Variants in RABGAP1L observed in about 807,000 individuals in gnomAD.
The protein encoded by RABGAP1L is RAB GTPase activating protein 1 like, also known as rab GTPase-activating protein 1-like.
A neutral mutation model predicts 137.7 loss-of-function variants in RABGAP1L; 63 were observed. That is an observed-to-expected ratio of 0.46 (90% CI 0.37 to 0.56). The LOEUF (loss-of-function observed/expected upper bound fraction) is 0.56. RABGAP1L is among the 20% of genes least tolerant of loss of function. The pLI, the probability that RABGAP1L is intolerant of heterozygous loss-of-function variation, is 0.00. For synonymous variants in RABGAP1L, 431 were observed against 433.7 expected (o/e 0.99, Z 0.08); for missense variants, 1,095 against 1,244.0 (o/e 0.88, Z 1.80).
At chr1:174,175,145 T>C (rs1411838812) in intron 1 of RABGAP1L, among the ~76,000 whole-genome samples, 1 of 100,848 alleles carries the variant, frequency 9.9e-6, no homozygotes, top group Non-Finnish European at 1.8e-5. Context: ...TTTAATTTTC[T>C]TGTATATGAC....
chr1:174,914,018 T>C (rs1339093393), intron 19 of RABGAP1L, among the ~76,000 whole-genome samples: 1 of 152,252 alleles, frequency 6.6e-6, no homozygotes, highest in Non-Finnish European at 1.5e-5. Context: ...AGTTGTTGCA[T>C]AAATTTTTCT....
intron 5 of RABGAP1L, chr1:174,244,598 G>A (rs953015306): frequency 6.6e-6 from 1 of 152,154 alleles, no homozygotes; most frequent in South Asian, 2.1e-4. Context: ...AAAAGAGTTG[G>A]ACAATCCAAC....
At chr1:174,519,242 ATATT>A (rs1370602952) in intron 13 of RABGAP1L, among the ~76,000 whole-genome samples, 1 of 152,024 alleles carries the variant, frequency 6.6e-6, no homozygotes, top group East Asian at 1.9e-4. Flanking sequence ...ACATATATAT[ATATT>A]TATGTATATG....
rs182314208 is a variant in RABGAP1L, at chr1:174,173,425, C to T, written c.-34+13768C>T. Among the ~76,000 whole-genome samples the T allele has an allele frequency of 3.2e-4, 49 of 152,168 alleles. 1 individual carries two copies. The highest frequency in any genetic ancestry group is 1.1e-3 in the African/African-American group (45 of 41,526). The stretch of plus-strand genomic sequence containing the variant: ...GATTACAGGCGTGAGCCACAGCACC[C>T]GGCTGTTAAAAAGATTTTTTAGAGG... On this transcript the variant is annotated intron_variant, in intron 1 of 25. Coordinates refer to ENST00000681986, the MANE Select transcript of RABGAP1L (RefSeq NM_001366446.1).
chr1:174,444,486 A>C (rs1339730358), intron 13 of RABGAP1L, among the ~76,000 whole-genome samples: 1 of 151,962 alleles, frequency 6.6e-6, no homozygotes, highest in Non-Finnish European at 1.5e-5. Context: ...CTCTCCTCTT[A>C]ACTTTTTAAG....
intron 14 of RABGAP1L, among the ~76,000 whole-genome samples, chr1:174,678,181 A>G (rs1409421838): frequency 1.3e-5 from 2 of 152,196 alleles, no homozygotes; most frequent in Non-Finnish European, 2.9e-5. Flanking sequence ...CAAATTATTT[A>G]AATTGAAACA....
intron 19 of RABGAP1L, among the ~76,000 whole-genome samples, chr1:174,921,431 C>T (rs1437611978): frequency 6.6e-6 from 1 of 152,128 alleles, no homozygotes; most frequent in African/African-American, 2.4e-5. Context: ...ACTTTCTTAC[C>T]ATTATCACAT....
At chr1:174,881,859 A>C (rs938485310) in intron 19 of RABGAP1L, among the ~76,000 whole-genome samples, 7 of 151,964 alleles carry the variant, frequency 4.6e-5, no homozygotes, top group Non-Finnish European at 1.0e-4. Context: ...TTTTCATCAA[A>C]CATTTTGTTT....
At chr1:174,845,189 C>A (rs1406417405) in intron 19 of RABGAP1L, among the ~76,000 whole-genome samples, 1 of 116,004 alleles carries the variant, frequency 8.6e-6, no homozygotes, top group Non-Finnish European at 1.9e-5. Context: ...AATTTGACTT[C>A]CTCTTTTCCT....
At chr1:174,318,589 T>TTTCTTTCC (rs1679629728) in intron 11 of RABGAP1L, among the ~76,000 whole-genome samples, 1 of 127,870 alleles carries the variant, frequency 7.8e-6, no homozygotes, top group Non-Finnish European at 1.6e-5. Flanking sequence ...GTTTTCTTTC[T>TTTCTTTCC]TTCTTTCTTT....
chr1:174,687,179 G>T (rs1678542305), intron 15 of RABGAP1L, among the ~76,000 whole-genome samples: 1 of 151,920 alleles, frequency 6.6e-6, no homozygotes, highest in Admixed American at 6.6e-5. Flanking sequence ...CAAATAACGA[G>T]AGCTCAAATA....
At chr1:174,869,716 G>A (rs371987284) in intron 19 of RABGAP1L, among the ~76,000 whole-genome samples, 26 of 152,080 alleles carry the variant, frequency 1.7e-4, no homozygotes, top group African/African-American at 2.9e-4. Context: ...CAAATGTGAC[G>A]ATATTAAGAG....
chr1:174,614,544 C>T (rs935691657), intron 13 of RABGAP1L, among the ~76,000 whole-genome samples: 6 of 152,170 alleles, frequency 3.9e-5, no homozygotes, highest in Non-Finnish European at 5.9e-5. Context: ...GTGAATCTGA[C>T]ATTTATGTGG....
chr1:174,511,626 G>GT (rs774802995), intron 13 of RABGAP1L, among the ~76,000 whole-genome samples: 1,774 of 139,860 alleles, frequency 0.013, 17 homozygotes, highest in African/African-American at 0.02. Flanking sequence ...TCTTTCTTTT[G>GT]TTTTTTTTTT....
chr1:174,666,421 A>C (rs1676791756), intron 14 of RABGAP1L, among the ~76,000 whole-genome samples: 1 of 152,222 alleles, frequency 6.6e-6, no homozygotes, highest in South Asian at 2.1e-4. Flanking sequence ...AAATCGTGAC[A>C]GTTCAATATT....
chr1:174,313,438 A>G (rs898599218), intron 11 of RABGAP1L, among the ~76,000 whole-genome samples: 8 of 152,240 alleles, frequency 5.3e-5, no homozygotes, highest in African/African-American at 1.7e-4. Context: ...TTTCTTTCCA[A>G]TTTGGATGCC....
In RABGAP1L at chr1:174,792,452, G is replaced by A. The variant is rs1364092142; in HGVS notation, c.2212-19380G>A. Among the ~76,000 whole-genome samples the A allele has an allele frequency of 9.9e-5, 15 of 152,176 alleles. No homozygotes were observed. In the East Asian group the frequency reaches 2.3e-3, roughly 24 times the overall value. ...CTTTGAATATTTTAATTAACGTCAC[G>A]TGGAAAAAAAGAAGTAGACTTAGTC... On this transcript the variant is annotated intron_variant, in intron 18 of 25. Coordinates refer to ENST00000681986, the MANE Select transcript of RABGAP1L (RefSeq NM_001366446.1).
intron 13 of RABGAP1L, among the ~76,000 whole-genome samples, chr1:174,531,802 G>T (rs1664436629): frequency 6.6e-6 from 1 of 151,534 alleles, no homozygotes; most frequent in Admixed American, 6.6e-5. Context: ...TGGAACCCTA[G>T]GAATAAATAA....
chr1:174,352,281 TTG>T, intron 11 of RABGAP1L, among the ~76,000 whole-genome samples: 1 of 152,260 alleles, frequency 6.6e-6, no homozygotes, highest in Admixed American at 6.5e-5. Context: ...TCTCTTCTAA[TTG>T]TGTGTTTTCA....
Sources: allele counts gnomAD v4.1 joint callset (sites outside exome capture counted in the v4.1 genomes callset), GRCh38; gene constraint gnomAD v4.1.1; transcripts MANE v1.5; gene names NCBI Gene and HGNC (gene_info 2026-07-23, HGNC 2026-07-21).